Variants in BICC1 observed in about 807,000 individuals in gnomAD.
BICC1 encodes the protein BicC family RNA binding protein 1.
In BICC1, 43 loss-of-function variants were observed where a neutral mutation model predicts 111.0. The observed-to-expected ratio is 0.39, with a 90% confidence interval of 0.30 to 0.50. BICC1 has a LOEUF of 0.50. Among genes scored for constraint, BICC1 ranks in the 20% least tolerant of loss-of-function variants. The pLI, the probability that BICC1 is intolerant of heterozygous loss-of-function variation, is 0.88. For synonymous variants in BICC1, 467 were observed against 434.4 expected, an observed-to-expected ratio of 1.07 and a Z score of -0.93; for missense variants, 1,091 against 1,203.2, an observed-to-expected ratio of 0.91 and a Z score of 1.38.
chr10:58,538,814 A>G (rs965673376), intron 1 of BICC1, among the ~76,000 whole-genome samples: 10 of 151,996 alleles, frequency 6.6e-5, no homozygotes, highest in Non-Finnish European at 1.5e-4. Flanking sequence ...CAAATGGCCA[A>G]CAAACATGCA....
chr10:58,628,786 C>T (rs992962069), intron 2 of BICC1, among the ~76,000 whole-genome samples: 2 of 152,116 alleles, frequency 1.3e-5, no homozygotes, highest in Admixed American at 6.5e-5. Context: ...CATGAAGAAT[C>T]GACATTACTT....
intron 3 of BICC1, among the ~76,000 whole-genome samples, chr10:58,708,164 G>A (rs12251882): frequency 6.5e-5 from 8 of 123,706 alleles, no homozygotes; most frequent in Non-Finnish European, 1.3e-4. Context: ...TTTTTTTTTT[G>A]TATTTTTAGT....
intron 2 of BICC1, among the ~76,000 whole-genome samples, chr10:58,699,334 G>A (rs12572825): frequency 6.6e-6 from 1 of 152,224 alleles, no homozygotes; most frequent in Non-Finnish European, 1.5e-5. Flanking sequence ...GTGTGGCTTA[G>A]AGGGAGTGTG....
rs1838120631 is a variant in BICC1 at position 58,641,462 on chromosome 10, T to C, written c.237+20561T>C. ...GCGCCATCTAGGTTGACTTCTTTTTTTTCTTTCCTTTTTTTTTTTGCTTTC... is the reference window on the plus strand; with the variant it reads ...GCGCCATCTAGGTTGACTTCTTTTTCTTCTTTCCTTTTTTTTTTTGCTTTC... On this transcript the variant is annotated intron_variant, in intron 2 of 20. Transcript: ENST00000373886. Among the ~76,000 whole-genome samples the C allele has an allele frequency of 2.6e-5, 4 of 152,216 alleles. No individual in the cohort carries two copies. The South Asian group carries it at 8.3e-4, about 32-fold the overall frequency.
intron 1 of BICC1, among the ~76,000 whole-genome samples, chr10:58,613,734 A>T (rs1407726237): frequency 6.6e-6 from 1 of 152,172 alleles, no homozygotes; most frequent in Non-Finnish European, 1.5e-5. Flanking sequence ...ATTTGGTTAG[A>T]ATTGTGACTG....
chr10:58,543,371 G>C (rs538698667), intron 1 of BICC1, among the ~76,000 whole-genome samples: 19 of 152,230 alleles, frequency 1.2e-4, no homozygotes, highest in African/African-American at 4.3e-4. Context: ...TGAAGAAAGG[G>C]AGAGTTGTTT....
intron 1 of BICC1, among the ~76,000 whole-genome samples, chr10:58,541,629 C>T (rs1460749080): frequency 6.6e-6 from 1 of 151,992 alleles, no homozygotes; most frequent in East Asian, 1.9e-4. Flanking sequence ...ATCTCTATTA[C>T]CCAAACCAAT....
Position 58,804,220 on chromosome 10 carries a change from A to G in BICC1, c.2181+978A>G, listed in dbSNP as rs544164574. Among the ~76,000 whole-genome samples, 135 of 152,254 alleles carry G rather than the reference A, an allele frequency of 8.9e-4. 1 individual carries two copies. The South Asian group carries it at 0.027, about 30-fold the overall frequency. ...GGCCTTTATAATGTGTCAGTGTTTA[A>G]AAAAGACATTTAAGGCCGGGCACAG... On this transcript the variant is annotated intron_variant, in intron 15 of 20. Transcript: ENST00000373886.
In BICC1 at chr10:58,799,230, C is replaced by T. The variant is rs1238405895; in HGVS notation, c.1703C>T (p.Ala568Val). 2 of 1,607,798 alleles carry T rather than the reference C, an allele frequency of 1.2e-6. No individual in the cohort carries two copies. The highest frequency in any genetic ancestry group is 1.3e-5 in the African/African-American group (1 of 74,854). The change falls in exon 12 of 21, where the codon GCT becomes GTT. Residue 568 changes from alanine to valine, a missense_variant. Physicochemically the swap from Ala to Val is moderately conservative, Grantham distance 64. Coordinates refer to ENST00000373886, the MANE Select transcript of BICC1 (RefSeq NM_001080512.3). Reference protein sequence around the residue: ...SMQTEGKKISAALNGHAQSPD... With the variant: ...SMQTEGKKISVALNGHAQSPD... ...CAGACCGAAGGCAAAAAAATCTCTG[C>T]TGCTTTAAATGGACATGCACAGGTA... is the stretch of plus-strand genomic sequence containing the variant.
At chr10:58,612,467 A>G (rs953321189) in intron 1 of BICC1, among the ~76,000 whole-genome samples, 1 of 152,214 alleles carries the variant, frequency 6.6e-6, no homozygotes, top group Admixed American at 6.5e-5. Context: ...TTAAATTGAT[A>G]CAATAAGGGA....
intron 1 of BICC1, among the ~76,000 whole-genome samples, chr10:58,517,901 C>G (rs1842284157): frequency 6.6e-6 from 1 of 152,176 alleles, no homozygotes; most frequent in African/African-American, 2.4e-5. Context: ...AATGCACTTT[C>G]TTATATTGAT....
At chr10:58,799,321 TA>T (rs1843463616) in intron 12 of BICC1, 69 bp downstream of exon 12, 1 of 1,247,666 alleles carries the variant, frequency 8.0e-7, no homozygotes, top group East Asian at 2.6e-5. Flanking sequence ...CTGGTAAAGT[TA>T]AAACATGCTA....
chr10:58,636,438 C>T (rs953474119), intron 2 of BICC1, among the ~76,000 whole-genome samples: 1 of 152,106 alleles, frequency 6.6e-6, no homozygotes, highest in Non-Finnish European at 1.5e-5. Context: ...CCTCCTGCCT[C>T]CCCACCTCCT....
intron 3 of BICC1, among the ~76,000 whole-genome samples, chr10:58,734,512 A>T (rs898659262): frequency 1.3e-5 from 2 of 152,220 alleles, no homozygotes; most frequent in Admixed American, 1.3e-4. Flanking sequence ...AGGAGCCATC[A>T]TGATGTGGGG....
At position 58,696,541 on chromosome 10, in the gene BICC1, A is replaced by G. The variant is rs1840070746; in HGVS notation, c.238-5533A>G. On this transcript the variant is annotated intron_variant, in intron 2 of 20. Coordinates refer to ENST00000373886, the MANE Select transcript of BICC1 (RefSeq NM_001080512.3). ...GTAAATCTAACAACAGAAATTTAAA[A>G]CAATTATATATTCAAATAATTACAT... 1.3e-5 allele frequency among the ~76,000 whole-genome samples: 2 copies of G among 152,180 alleles called. 1 individual carries two copies. Among genetic ancestry groups the G allele is most frequent in the South Asian group, 4.1e-4 (2 of 4,836 alleles).
At chr10:58,813,398 G>A (rs1843976253) in intron 17 of BICC1, among the ~76,000 whole-genome samples, 1 of 152,048 alleles carries the variant, frequency 6.6e-6, no homozygotes, top group African/African-American at 2.4e-5. Context: ...GGCTCTATTA[G>A]CATTTTGAGA....
chr10:58,598,286 C>T (rs768354826), intron 1 of BICC1, among the ~76,000 whole-genome samples: 42 of 152,284 alleles, frequency 2.8e-4, no homozygotes, highest in Admixed American at 1.3e-3. Context: ...ACTGAAACAG[C>T]ATGTTACTGG....
At chr10:58,690,268 T>A (rs551288978) in intron 2 of BICC1, among the ~76,000 whole-genome samples, 2 of 151,870 alleles carry the variant, frequency 1.3e-5, no homozygotes, top group East Asian at 1.9e-4. Context: ...TGGGCATGTG[T>A]CTCATGATGG....
At chr10:58,684,227 A>C (rs1839635405) in intron 2 of BICC1, among the ~76,000 whole-genome samples, 1 of 152,186 alleles carries the variant, frequency 6.6e-6, no homozygotes, top group Non-Finnish European at 1.5e-5. Context: ...GATGAAGCCA[A>C]CTTGATCATG....
Sources: allele counts gnomAD v4.1 joint callset (sites outside exome capture counted in the v4.1 genomes callset), GRCh38; gene constraint gnomAD v4.1.1; transcripts MANE v1.5; gene names NCBI Gene and HGNC (gene_info 2026-07-23, HGNC 2026-07-21).